Variants in SENP6 observed in about 807,000 individuals in gnomAD.
SENP6 encodes the protein sentrin-specific protease 6.
Under a neutral mutation model 134.5 loss-of-function variants are expected in SENP6, and 41 were observed. The ratio of observed to expected loss-of-function variants is 0.30; its 90% CI spans 0.24 to 0.40. The LOEUF (loss-of-function observed/expected upper bound fraction) is 0.40. Among genes scored for constraint, SENP6 ranks in the 10% least tolerant of loss-of-function variants. The probability of loss-of-function intolerance (pLI) is 1.00; values close to 1 mark genes in which losing one functional copy is unlikely to be tolerated. For missense variants in SENP6, 1,248 were observed against 1,312.5 expected (o/e 0.95, Z 0.76); for synonymous variants, 395 against 429.8 (o/e 0.92, Z 1.00).
At chr6:75,619,445 ATG>A (rs61131437) in intron 1 of SENP6, among the ~76,000 whole-genome samples, 59,934 of 149,146 alleles carry the variant, frequency 0.4, 12,106 homozygotes, top group East Asian at 0.58. Flanking sequence ...CGTTGTGTCT[ATG>A]TGTGTGTGTG....
chr6:75,632,260 AT>A (rs980853079), intron 3 of SENP6, among the ~76,000 whole-genome samples: 1 of 152,058 alleles, frequency 6.6e-6, no homozygotes, highest in East Asian at 1.9e-4. Context: ...TTAAATTAAA[AT>A]TTTTTTTGGA....
chr6:75,615,284 A>AT (rs1157846715), intron 1 of SENP6, among the ~76,000 whole-genome samples: 1 of 152,084 alleles, frequency 6.6e-6, no homozygotes, highest in Admixed American at 6.6e-5. Context: ...GGTTCAAGCG[A>AT]TTCTCCTGTG....
In SENP6 at chr6:75,678,599, A is replaced by T; in HGVS notation, c.1865A>T (p.Lys622Ile). The stretch of plus-strand genomic sequence containing the variant: ...CTTTACCAGGTATCATTTGAATCTA[A>T]AATACAACTTAGAAGCAAACAAGAA... The part of the protein sequence containing the change: ...NKIKTVSFES[K>I]IQLRSKQEFQ... Residue 622 changes from lysine (K) to isoleucine (I), a missense_variant, in exon 15 of 24, where the codon AAA becomes ATA. By Grantham distance (102) the Lys-to-Ile change is moderately radical. Coordinates refer to ENST00000447266, the MANE Select transcript of SENP6 (RefSeq NM_015571.4). 6.5e-7 allele frequency: 1 copy of T among 1,538,446 alleles called. No homozygotes were observed. Among genetic ancestry groups the T allele is most frequent in the Non-Finnish European group, 8.9e-7 (1 of 1,121,570 alleles).
At chr6:75,692,123 T>C (rs1162968546) in intron 16 of SENP6, among the ~76,000 whole-genome samples, 1 of 152,160 alleles carries the variant, frequency 6.6e-6, no homozygotes, top group African/African-American at 2.4e-5. Flanking sequence ...CCCAAAGTGC[T>C]GGGATTACAG....
intron 6 of SENP6, chr6:75,646,916 G>T (rs1770495771): frequency 6.6e-6 from 1 of 151,066 alleles, no homozygotes; most frequent in South Asian, 2.1e-4. Context: ...TTTGTTTTCA[G>T]TTCAAGTGCC....
intron 10 of SENP6, among the ~76,000 whole-genome samples, chr6:75,667,212 A>G (rs1200785953): frequency 2.0e-5 from 3 of 152,234 alleles, no homozygotes; most frequent in Non-Finnish European, 4.4e-5. Context: ...AATTTCTTAT[A>G]AAATCTAGCA....
chr6:75,667,964 A>G (rs1401731952), intron 10 of SENP6, among the ~76,000 whole-genome samples: 1 of 152,202 alleles, frequency 6.6e-6, no homozygotes, highest in African/African-American at 2.4e-5. Context: ...GAATGTTTTT[A>G]TAAAATAATA....
At chr6:75,705,232 C>A (rs7741131) in intron 19 of SENP6, among the ~76,000 whole-genome samples, 1 of 152,126 alleles carries the variant, frequency 6.6e-6, no homozygotes, top group Non-Finnish European at 1.5e-5. Context: ...TTGAGTCAGT[C>A]CTGTAGTTGT....
intron 16 of SENP6, among the ~76,000 whole-genome samples, chr6:75,683,203 C>A (rs2149884059): frequency 6.6e-6 from 1 of 152,162 alleles, no homozygotes; most frequent in South Asian, 2.1e-4. Flanking sequence ...GTATAGATGT[C>A]TTCTTTAGAG....
chr6:75,638,730 A>G (rs1304251755), intron 5 of SENP6, among the ~76,000 whole-genome samples: 5 of 140,276 alleles, frequency 3.6e-5, no homozygotes, highest in African/African-American at 1.3e-4. Context: ...CTGTTTTTCT[A>G]CCTATTTCCT....
At chr6:75,707,334 AT>A (rs1335509134) in intron 19 of SENP6, among the ~76,000 whole-genome samples, 1 of 90,228 alleles carries the variant, frequency 1.1e-5, no homozygotes, top group African/African-American at 4.0e-5. Context: ...AGAGGTCATT[AT>A]TTTTTTCTTT....
chr6:75,682,145 G>A (rs1049486951), intron 16 of SENP6, among the ~76,000 whole-genome samples: 1 of 151,956 alleles, frequency 6.6e-6, no homozygotes. Flanking sequence ...GGATCAAGAA[G>A]GATGTTATGT....
At chr6:75,621,126 C>T (rs76492818) in intron 1 of SENP6, among the ~76,000 whole-genome samples, 2,437 of 152,196 alleles carry the variant, frequency 0.016, 68 homozygotes, top group African/African-American at 0.056. Flanking sequence ...AGGCAGGTAT[C>T]GTTGAGTTTA....
chr6:75,621,086 G>A (rs865804942), intron 1 of SENP6, among the ~76,000 whole-genome samples: 13 of 152,112 alleles, frequency 8.5e-5, no homozygotes, highest in African/African-American at 2.2e-4. Context: ...TGCCAAAACC[G>A]AAAACGTTGT....
At chr6:75,626,698 T>A (rs2149833175) in intron 3 of SENP6, among the ~76,000 whole-genome samples, 1 of 152,306 alleles carries the variant, frequency 6.6e-6, no homozygotes, top group Admixed American at 6.5e-5. Context: ...CACATGTAGT[T>A]TTGCTAGATA....
chr6:75,702,682 T>G lies in SENP6; in HGVS notation c.2326T>G (p.Leu776Val). The G allele has an allele frequency of 6.2e-7, 1 of 1,601,170 alleles. No homozygotes were observed. ...WFLAVVCFPG[L>V]EKPKYEPNPH... Reference sequence around the variant, plus strand: ...TTTGGCTGTTGTTTGTTTCCCCGGTTTGGAAAAACCAAAGTATGAACCTAA... The same window carrying G: ...TTTGGCTGTTGTTTGTTTCCCCGGTGTGGAAAAACCAAAGTATGAACCTAA... The change falls in exon 19 of 24, where the codon TTG becomes GTG. Residue 776 changes from leucine (L) to valine (V), a missense_variant. By Grantham distance (32) the Leu-to-Val change is conservative (BLOSUM62 1). Coordinates refer to ENST00000447266, the MANE Select transcript of SENP6 (RefSeq NM_015571.4).
chr6:75,714,762 C>T (rs1452022690), intron 23 of SENP6, among the ~76,000 whole-genome samples: 1 of 152,180 alleles, frequency 6.6e-6, no homozygotes, highest in African/African-American at 2.4e-5. Flanking sequence ...TTTCTTGCCT[C>T]TAGGCCTTGA....
chr6:75,697,570 A>T, intron 18 of SENP6, 53 bp downstream of exon 18: 1 of 1,213,486 alleles, frequency 8.2e-7, no homozygotes, highest in Non-Finnish European at 1.2e-6. Context: ...AAATGATGGC[A>T]ATTTTTAAAT....
rs1445679363 is a variant in SENP6 at position 75,677,546 on chromosome 6, C to T, written c.1848+290C>T. 2.1e-5 allele frequency: 5 copies of T among 241,244 alleles called. No homozygotes were observed. The South Asian group carries it at 3.1e-4, about 15-fold the overall frequency. The allele number at this position is 241,244 out of a possible 1,614,324, so 14.9% of individuals were successfully genotyped here. A position where few individuals can be genotyped will look rare whatever the true frequency, so the allele number is the denominator to read the frequency against. ...GTCATCCTTTTTTCTTTATACCCTA[C>T]TTCCAACATATATATGCACACACTG... On this transcript the variant is annotated intron_variant, in intron 14 of 23. Coordinates refer to ENST00000447266, the MANE Select transcript of SENP6 (RefSeq NM_015571.4).
Sources: gnomAD v4.1 joint callset for allele counts (sites outside exome capture counted in the v4.1 genomes callset) on GRCh38, gnomAD v4.1.1 for gene constraint, MANE v1.5 for transcripts, NCBI Gene and HGNC (gene_info 2026-07-23, HGNC 2026-07-21) for gene names.